ALG13: variants seen among roughly 807,000 people sequenced by gnomAD.
ALG13 encodes the protein ALG13 UDP-N-acetylglucosaminyltransferase subunit.
In ALG13, 11 loss-of-function variants were observed where a neutral mutation model predicts 87.8. The ratio of observed to expected loss-of-function variants is 0.13; its 90% CI spans 0.08 to 0.21. The LOEUF is 0.21. ALG13 is among the 10% of genes least tolerant of loss of function. ALG13 has a pLI of 1.00. For synonymous variants in ALG13, 320 were observed against 306.3 expected (o/e 1.04, Z -0.47); for missense variants, 756 against 866.1 (o/e 0.87, Z 1.60).
At chrX:111,746,184 T>C (rs5942753) in intron 24 of ALG13, among the ~76,000 whole-genome samples, 1,395 of 111,981 alleles carry the variant, frequency 0.012, 30 homozygotes, top group Admixed American at 0.023. Flanking sequence ...ATGTGCAGTT[T>C]ACATATAATG....
At chrX:111,749,216 A>G (rs1344049923) in intron 24 of ALG13, among the ~76,000 whole-genome samples, 1 of 111,828 alleles carries the variant, frequency 8.9e-6, no homozygotes, top group Non-Finnish European at 1.9e-5. Flanking sequence ...TCCACTATTC[A>G]TCTCAAATTC....
chrX:111,739,692 A>G (rs773294944), intron 23 of ALG13, among the ~76,000 whole-genome samples: 1 of 112,750 alleles, frequency 8.9e-6, no homozygotes. Context: ...ACAAAGGGCA[A>G]CATGTGAGAA....
chrX:111,744,950 AT>A, intron 24 of ALG13, 46 bp downstream of exon 24: 2 of 1,043,626 alleles, frequency 1.9e-6, no homozygotes, highest in Non-Finnish European at 2.7e-6. Context: ...GACTTAAAAA[AT>A]ATTGTTAGAG....
chrX:111,752,566 C>T (rs944547102), intron 24 of ALG13, among the ~76,000 whole-genome samples: 19 of 110,087 alleles, frequency 1.7e-4, no homozygotes, highest in Non-Finnish European at 3.0e-4. Flanking sequence ...CAGGCACCCG[C>T]CACCACGTCC....
At chrX:111,712,378 T>G (rs1825979282) in intron 6 of ALG13, 106 bp from the exon 7 acceptor site, 7 of 430,306 alleles carry the variant, frequency 1.6e-5, no homozygotes, top group Non-Finnish European at 2.9e-5. Flanking sequence ...TTCTACAAAT[T>G]CTTCATCTAA....
At chrX:111,715,193 G>C (rs1940392171) in intron 8 of ALG13, among the ~76,000 whole-genome samples, 1 of 111,831 alleles carries the variant, frequency 8.9e-6, no homozygotes, top group South Asian at 3.7e-4. Context: ...CCTTTTGAGT[G>C]TGTACAACCT....
rs748041699 is a variant in ALG13 at position 111,695,786 on chromosome X, C to T, written c.383+10683C>T. 4.5e-5 allele frequency among the ~76,000 whole-genome samples: 5 copies of T among 111,363 alleles called. No homozygotes were observed. In the South Asian group the frequency reaches 1.9e-3, roughly 42 times the overall value. ...TGAGGAGGAGGTTGAACAGGGCTGC[C>T]AGGCCATGCTTTGTTTTAGAACCAT... On this transcript the variant is annotated intron_variant, in intron 3 of 26. Transcript: ENST00000394780.
At chrX:111,696,958 C>CAGTGA (rs1451028553) in intron 3 of ALG13, among the ~76,000 whole-genome samples, 6 of 102,363 alleles carry the variant, frequency 5.9e-5, no homozygotes, top group African/African-American at 2.2e-4. Context: ...AGTAGAATTT[C>CAGTGA]AGTGAAATTG....
intron 19 of ALG13, among the ~76,000 whole-genome samples, chrX:111,729,466 C>T (rs764189589): frequency 9.0e-6 from 1 of 110,840 alleles, no homozygotes; most frequent in African/African-American, 3.3e-5. Flanking sequence ...TCTGTGAAAA[C>T]TTTGTACGTG....
At chrX:111,705,889 CCTT>C (rs1412996940) in intron 3 of ALG13, among the ~76,000 whole-genome samples, 5 of 110,363 alleles carry the variant, frequency 4.5e-5, no homozygotes, top group Non-Finnish European at 7.6e-5. Flanking sequence ...TTCTCTCCCT[CCTT>C]CTCCTGATTT....
At chrX:111,735,258 TGA>T in intron 22 of ALG13, 136 bp downstream of exon 22, 1 of 432,612 alleles carries the variant, frequency 2.3e-6, no homozygotes. Context: ...TTCTGGTGTC[TGA>T]CACAGTGATT....
At chrX:111,690,693 A>G (rs967351429) in intron 3 of ALG13, among the ~76,000 whole-genome samples, 53 of 110,127 alleles carry the variant, frequency 4.8e-4, no homozygotes, top group African/African-American at 1.6e-3. Flanking sequence ...AGCTCAGGCA[A>G]TCCGCCCGCC....
chrX:111,744,606 G>A lies in ALG13; in HGVS notation c.2696-62G>A, dbSNP rs1207356566. On this transcript the variant is annotated intron_variant, in intron 23 of 26. Transcript: ENST00000394780. ...TACTGGAGACAAGAAAAGTAGATGA[G>A]CCTACTGTTCATAAGGTGTTATAGT... 4.6e-6 allele frequency: 5 copies of A among 1,086,194 alleles called. No homozygotes were observed. In the Admixed American group the frequency reaches 1.3e-4, roughly 28 times the overall value. 89.5% of individuals were successfully genotyped at this position (1,086,194 alleles called of 1,213,427 possible). A position where few individuals can be genotyped will look rare whatever the true frequency, so the allele number is the denominator to read the frequency against.
intron 15 of ALG13, among the ~76,000 whole-genome samples, chrX:111,726,414 A>G (rs771557041): frequency 1.9e-5 from 2 of 107,228 alleles, no homozygotes; most frequent in East Asian, 5.9e-4. Context: ...TTGCATTTTC[A>G]GTAGAGACGG....
At chrX:111,715,218 A>G (rs1010426693) in intron 8 of ALG13, among the ~76,000 whole-genome samples, 3 of 112,018 alleles carry the variant, frequency 2.7e-5, no homozygotes, top group Non-Finnish European at 5.6e-5. Flanking sequence ...ATATCCATAC[A>G]TGTATACAGA....
intron 3 of ALG13, among the ~76,000 whole-genome samples, chrX:111,697,782 A>G (rs1009181043): frequency 4.5e-5 from 5 of 111,640 alleles, no homozygotes; most frequent in Non-Finnish European, 9.4e-5. Context: ...TCTTTATGGT[A>G]ATTGTGCAAA....
At chrX:111,744,199 C>T (rs762408086) in intron 23 of ALG13, among the ~76,000 whole-genome samples, 1 of 111,692 alleles carries the variant, frequency 9.0e-6, no homozygotes, top group Admixed American at 9.5e-5. Context: ...TCCTGAGATG[C>T]TACCAGTAGA....
chrX:111,681,679 T>TG, intron 1 of ALG13: 1 of 861,100 alleles, frequency 1.2e-6, no homozygotes, highest in Non-Finnish European at 1.4e-6. Context: ...GGCCCCCCTG[T>TG]GGACCGCACG....
In ALG13 at chrX:111,708,959, T is replaced by C. The variant is rs2148005349; in HGVS notation, c.751-6T>C. On this transcript the variant is annotated splice_region_variant and splice_polypyrimidine_tract_variant and intron_variant, in intron 4 of 26. Transcript: ENST00000394780. ...GACAGTGGGCTGGTCTTTCTCTTCT[T>C]TTTAGTTGTTTTGCAGCCAGGTCCA... 1 of 1,164,231 alleles carries C rather than the reference T, an allele frequency of 8.6e-7. No homozygotes were observed. Among genetic ancestry groups the C allele is most frequent in the Non-Finnish European group, 1.2e-6 (1 of 864,182 alleles).
Sources: allele counts gnomAD v4.1 joint callset (sites outside exome capture counted in the v4.1 genomes callset), GRCh38; gene constraint gnomAD v4.1.1; transcripts MANE v1.5; gene names NCBI Gene and HGNC (gene_info 2026-07-23, HGNC 2026-07-21).